The following SHTN1 variants were observed in gnomAD, a reference collection of about 807,000 sequenced individuals.
SHTN1 encodes the protein shootin-1.
A neutral mutation model predicts 83.1 loss-of-function variants in SHTN1; 42 were observed. That is an observed-to-expected ratio of 0.51 (90% confidence interval 0.39 to 0.65). SHTN1 has a LOEUF of 0.65. Ranked by LOEUF, SHTN1 falls within the 30% of genes least tolerant of loss-of-function variation. The pLI is 0.00. For missense variants in SHTN1, 622 were observed against 737.8 expected (o/e 0.84, Z 1.82); for synonymous variants, 224 against 247.7 (o/e 0.90, Z 0.90).
At chr10:116,920,588 C>T (rs1589807409) in intron 12 of SHTN1, among the ~76,000 whole-genome samples, 3 of 152,142 alleles carry the variant, frequency 2.0e-5, no homozygotes, top group Admixed American at 1.3e-4. Flanking sequence ...ACAGTCTGTT[C>T]TCTCACTGCA....
rs187127258 is a variant in SHTN1 at position 116,899,672 on chromosome 10, C to G, written c.1673+2093G>C. Among the ~76,000 whole-genome samples the G allele has an allele frequency of 6.2e-3, 943 of 152,270 alleles. 3 individuals are homozygous for G. Among genetic ancestry groups the G allele is most frequent in the Admixed American group, 0.01 (159 of 15,298 alleles). ...TAGCGCCACTCACGTGAAACACTAACGGTGGTGTTGCCACAGACAAAATAG... is the reference window on the plus strand; with the variant it reads ...TAGCGCCACTCACGTGAAACACTAAGGGTGGTGTTGCCACAGACAAAATAG... On this transcript the variant is annotated intron_variant, in intron 16 of 16. Transcript: ENST00000355371.
chr10:116,926,713 TA>T lies in SHTN1; in HGVS notation c.1112+1078del, dbSNP rs74871135. Among the ~76,000 whole-genome samples, 1,233 of 136,312 alleles carry T rather than the reference TA, an allele frequency of 9.0e-3. 10 individuals are homozygous for T. The highest frequency in any genetic ancestry group is 0.033 in the South Asian group (142 of 4,304). The allele number at this position is 136,312 out of a possible 152,430, so 89.4% of individuals were successfully genotyped here. On this transcript the variant is annotated intron_variant, in intron 11 of 16. Coordinates refer to ENST00000355371, the MANE Select transcript of SHTN1 (RefSeq NM_001127211.3). Reference sequence around the variant, plus strand: ...AAATCACATGAGTTAATGAAAGGTTTAAAAAAAAAAAAAACCCTAGAAAAAG... The same window carrying T: ...AAATCACATGAGTTAATGAAAGGTTTAAAAAAAAAAAAACCCTAGAAAAAG...
At chr10:117,046,722 C>G (rs1014153956) in intron 2 of SHTN1, among the ~76,000 whole-genome samples, 1 of 152,112 alleles carries the variant, frequency 6.6e-6, no homozygotes, top group South Asian at 2.1e-4. Flanking sequence ...CATCATCCAA[C>G]CTTGAAAATG....
At chr10:116,931,081 T>C (rs1339412081) in intron 9 of SHTN1, among the ~76,000 whole-genome samples, 1 of 144,496 alleles carries the variant, frequency 6.9e-6, no homozygotes, top group Non-Finnish European at 1.5e-5. Flanking sequence ...ATTCAGGTAA[T>C]ATTTTAAAAG....
chr10:117,103,910 A>G lies in SHTN1; in HGVS notation c.-189+22397T>C, dbSNP rs371409638. On this transcript the variant is annotated intron_variant, in intron 1 of 17. Transcript: ENST00000392901. The stretch of plus-strand genomic sequence containing the variant: ...TGTTACATAGGTAAACACATGAATG[A>G]TGAATAATTTTAATGGTAATTACAA... 3.9e-5 allele frequency among the ~76,000 whole-genome samples: 6 copies of G among 152,292 alleles called. No homozygotes were observed. The East Asian group carries it at 7.7e-4, about 20-fold the overall frequency.
In SHTN1 at chr10:116,882,670, A is replaced by AGCACACTGAG. The variant is rs1446527577; in HGVS notation, c.*3664_*3673dup. The AGCACACTGAG allele has an allele frequency of 1.3e-5, 2 of 152,218 alleles. No individual in the cohort carries two copies. The highest frequency in any genetic ancestry group is 2.9e-5 in the Non-Finnish European group (2 of 68,048). 9.4% of individuals were successfully genotyped at this position (152,218 alleles called of 1,614,324 possible). ...CTGACAAATTCTATAATTTTTATTAAGCACACTGAGGACCTCTCCTTTTAA... is the reference window on the plus strand; with the variant it reads ...CTGACAAATTCTATAATTTTTATTAAGCACACTGAGGCACACTGAGGACCTCTCCTTTTAA... On this transcript the variant is annotated 3_prime_UTR_variant, in exon 17 of 17. Coordinates refer to ENST00000355371, the MANE Select transcript of SHTN1 (RefSeq NM_001127211.3).
intron 2 of SHTN1, among the ~76,000 whole-genome samples, chr10:116,969,665 T>G (rs746084587): frequency 6.6e-6 from 1 of 152,184 alleles, no homozygotes; most frequent in East Asian, 1.9e-4. Flanking sequence ...GGCAAGACCA[T>G]AAAAGGCAAA....
intron 1 of SHTN1, among the ~76,000 whole-genome samples, chr10:117,097,964 T>C (rs1853530312): frequency 6.6e-6 from 1 of 151,812 alleles, no homozygotes; most frequent in Non-Finnish European, 1.5e-5. Context: ...GTGAGAACAG[T>C]GGCAAATGCT....
At chr10:116,920,102 G>A (rs1341382136) in intron 12 of SHTN1, among the ~76,000 whole-genome samples, 1 of 152,102 alleles carries the variant, frequency 6.6e-6, no homozygotes, top group Non-Finnish European at 1.5e-5. Context: ...TAAAGTAACA[G>A]AATTTAAAGC....
intron 1 of SHTN1, among the ~76,000 whole-genome samples, chr10:116,995,173 CTCTT>C (rs1321870526): frequency 6.6e-6 from 1 of 152,044 alleles, no homozygotes; most frequent in East Asian, 1.9e-4. Context: ...TATTCTGATG[CTCTT>C]TCTAAAAGCT....
intron 16 of SHTN1, among the ~76,000 whole-genome samples, chr10:116,899,353 A>G (rs1169504358): frequency 6.6e-6 from 1 of 152,156 alleles, no homozygotes. Context: ...CATAGAGAAG[A>G]TAACATTTGA....
chr10:116,995,508 G>A (rs1386450953), intron 1 of SHTN1, among the ~76,000 whole-genome samples: 1 of 151,998 alleles, frequency 6.6e-6, no homozygotes, highest in African/African-American at 2.4e-5. Flanking sequence ...AAGACAATTT[G>A]GTAAAGTATA....
At chr10:116,917,798 T>C (rs1011572930) in intron 12 of SHTN1, among the ~76,000 whole-genome samples, 6 of 152,230 alleles carry the variant, frequency 3.9e-5, no homozygotes, top group African/African-American at 1.4e-4. Context: ...ACTATCTGTA[T>C]TGTGTACAGA....
chr10:116,973,336 G>C (rs1850683950), intron 2 of SHTN1, among the ~76,000 whole-genome samples: 1 of 152,176 alleles, frequency 6.6e-6, no homozygotes, highest in African/African-American at 2.4e-5. Context: ...CCTATAGATA[G>C]GGCAGTTCAG....
At chr10:117,115,409 T>C (rs144757442) in intron 1 of SHTN1, among the ~76,000 whole-genome samples, 10 of 152,314 alleles carry the variant, frequency 6.6e-5, no homozygotes, top group African/African-American at 1.2e-4. Flanking sequence ...TAATGGCACC[T>C]GTCATCAGCG....
At chr10:116,958,145 T>C (rs1198526318) in intron 4 of SHTN1, among the ~76,000 whole-genome samples, 1 of 152,114 alleles carries the variant, frequency 6.6e-6, no homozygotes, top group Non-Finnish European at 1.5e-5. Flanking sequence ...GGCAAAAATT[T>C]AGAAAAATAA....
At chr10:116,982,298 T>C (rs1004145442) in intron 1 of SHTN1, among the ~76,000 whole-genome samples, 1 of 152,174 alleles carries the variant, frequency 6.6e-6, no homozygotes, top group Non-Finnish European at 1.5e-5. Flanking sequence ...AAAACATGCT[T>C]TCTTGTGACT....
chr10:116,892,290 G>A (rs1847363286), intron 16 of SHTN1, among the ~76,000 whole-genome samples: 1 of 152,170 alleles, frequency 6.6e-6, no homozygotes, highest in Non-Finnish European at 1.5e-5. Flanking sequence ...ACTGGCACAA[G>A]GAGGTTCAGG....
At chr10:117,003,201 A>G (rs939666924) in intron 1 of SHTN1, among the ~76,000 whole-genome samples, 2 of 151,978 alleles carry the variant, frequency 1.3e-5, no homozygotes, top group Admixed American at 1.3e-4. Context: ...AATCTAGAAT[A>G]TGAATCAAGT....
Sources: allele counts gnomAD v4.1 joint callset (sites outside exome capture counted in the v4.1 genomes callset), GRCh38; gene constraint gnomAD v4.1.1; transcripts MANE v1.5; gene names NCBI Gene and HGNC (gene_info 2026-07-23, HGNC 2026-07-21).